Variants in SDCCAG8 observed in about 807,000 individuals in gnomAD.
SDCCAG8 encodes the protein SHH signaling and ciliogenesis regulator SDCCAG8.
SDCCAG8 carries 74 observed loss-of-function variants against 101.8 expected under a neutral mutation model. The observed-to-expected ratio is 0.73, with a 90% CI of 0.60 to 0.88. The LOEUF is 0.88. SDCCAG8 is among the 40% of genes least tolerant of loss of function. The pLI is 0.00. For synonymous variants in SDCCAG8, 281 were observed against 292.9 expected (o/e 0.96, Z 0.41); for missense variants, 787 against 822.6 (o/e 0.96, Z 0.53).
intron 4 of SDCCAG8, among the ~76,000 whole-genome samples, chr1:243,285,372 T>C (rs1220648274): frequency 6.6e-6 from 1 of 152,152 alleles, no homozygotes; most frequent in East Asian, 1.9e-4. Context: ...CTAAGAAGAG[T>C]TGTTGATTTT....
chr1:243,357,661 G>A (rs1032448375), intron 12 of SDCCAG8, among the ~76,000 whole-genome samples: 5 of 152,114 alleles, frequency 3.3e-5, no homozygotes, highest in African/African-American at 9.7e-5. Flanking sequence ...TACGCACAGG[G>A]GTGCAATGAA....
At chr1:243,310,156 C>G (rs1381933101) in intron 8 of SDCCAG8, among the ~76,000 whole-genome samples, 3 of 152,086 alleles carry the variant, frequency 2.0e-5, no homozygotes, top group Non-Finnish European at 4.4e-5. Context: ...GCCACCACGC[C>G]CGGCCCGACT....
intron 16 of SDCCAG8, among the ~76,000 whole-genome samples, chr1:243,475,254 AGT>A (rs1375660475): frequency 1.3e-5 from 2 of 152,214 alleles, no homozygotes; most frequent in Non-Finnish European, 2.9e-5. Context: ...GACATATAGC[AGT>A]GAATACTGTC....
At chr1:243,352,885 T>G (rs2076157915) in intron 12 of SDCCAG8, among the ~76,000 whole-genome samples, 1 of 152,232 alleles carries the variant, frequency 6.6e-6, no homozygotes, top group African/African-American at 2.4e-5. Flanking sequence ...TTGCTCCTTA[T>G]TCTTCATAGT....
chr1:243,366,450 T>A (rs748892305), intron 12 of SDCCAG8, among the ~76,000 whole-genome samples: 3 of 151,992 alleles, frequency 2.0e-5, no homozygotes, highest in Admixed American at 6.6e-5. Context: ...TTCAATGCAA[T>A]TACTCTATTG....
intron 16 of SDCCAG8, among the ~76,000 whole-genome samples, chr1:243,431,069 C>T (rs763774253): frequency 2.0e-5 from 3 of 151,970 alleles, no homozygotes; most frequent in Non-Finnish European, 4.4e-5. Flanking sequence ...TGGTGGCGAG[C>T]GCCTGTAATC....
intron 16 of SDCCAG8, among the ~76,000 whole-genome samples, chr1:243,487,487 A>G (rs1665212634): frequency 6.6e-6 from 1 of 152,156 alleles, no homozygotes; most frequent in South Asian, 2.1e-4. Flanking sequence ...ATCACCATAT[A>G]TATACATCAC....
intron 16 of SDCCAG8, among the ~76,000 whole-genome samples, chr1:243,453,048 G>T (rs960640831): frequency 6.6e-6 from 1 of 152,226 alleles, no homozygotes; most frequent in African/African-American, 2.4e-5. Context: ...CTCAAAAAGT[G>T]TAGTGTTCTG....
intron 10 of SDCCAG8, among the ~76,000 whole-genome samples, chr1:243,331,198 G>GA (rs1328034614): frequency 5.9e-5 from 9 of 152,230 alleles, no homozygotes; most frequent in African/African-American, 2.2e-4. Flanking sequence ...GTAACCAGAT[G>GA]AAGGGAGAGA....
chr1:243,464,466 A>G (rs760977965), intron 16 of SDCCAG8, among the ~76,000 whole-genome samples: 1 of 152,246 alleles, frequency 6.6e-6, no homozygotes, highest in Non-Finnish European at 1.5e-5. Context: ...TTAATATTTC[A>G]TCAGGCAAGT....
intron 16 of SDCCAG8, among the ~76,000 whole-genome samples, chr1:243,453,955 G>T (rs2148135546): frequency 6.6e-6 from 1 of 152,156 alleles, no homozygotes; most frequent in East Asian, 1.9e-4. Context: ...TCTTTCTATT[G>T]GCTTTACATA....
intron 16 of SDCCAG8, among the ~76,000 whole-genome samples, chr1:243,484,816 C>T (rs1422329356): frequency 3.3e-5 from 5 of 152,180 alleles, no homozygotes; most frequent in East Asian, 1.9e-4. Flanking sequence ...GAGGCCAAGG[C>T]GGGCAGATCA....
chr1:243,415,656 T>C, intron 13 of SDCCAG8, 46 bp from the exon 14 acceptor site: 1 of 1,613,244 alleles, frequency 6.2e-7, no homozygotes, highest in Non-Finnish European at 8.5e-7. Context: ...TGGGGGTTTG[T>C]GCATCTGCAG....
intron 13 of SDCCAG8, among the ~76,000 whole-genome samples, chr1:243,404,598 GTTT>G (rs1433804297): frequency 6.6e-6 from 1 of 152,150 alleles, no homozygotes. Context: ...GCTCACGTCA[GTTT>G]TTTTCTTCTG....
intron 13 of SDCCAG8, among the ~76,000 whole-genome samples, chr1:243,386,309 G>T (rs1206675604): frequency 6.6e-6 from 1 of 152,208 alleles, no homozygotes; most frequent in African/African-American, 2.4e-5. Flanking sequence ...CCATTAAGCT[G>T]TAATTCTATG....
intron 17 of SDCCAG8, among the ~76,000 whole-genome samples, chr1:243,495,734 C>T (rs533576178): frequency 7.3e-4 from 111 of 152,334 alleles, no homozygotes; most frequent in Admixed American, 6.9e-3. Flanking sequence ...GTTTCCCCGA[C>T]GTTCTGCCCA....
chr1:243,463,636 G>A (rs1488670077), intron 16 of SDCCAG8, among the ~76,000 whole-genome samples: 3 of 152,078 alleles, frequency 2.0e-5, no homozygotes, highest in South Asian at 4.2e-4. Context: ...TCTTGGGAGG[G>A]AAAAAATAAT....
At chr1:243,281,934 A>G (rs976566348) in intron 4 of SDCCAG8, among the ~76,000 whole-genome samples, 15 of 152,200 alleles carry the variant, frequency 9.9e-5, no homozygotes, top group Middle Eastern at 3.4e-3. Flanking sequence ...GGTGTGAGCC[A>G]CTGCACCTGT....
intron 13 of SDCCAG8, among the ~76,000 whole-genome samples, chr1:243,379,624 CAT>C (rs2077819543): frequency 6.6e-6 from 1 of 152,124 alleles, no homozygotes; most frequent in Admixed American, 6.6e-5. Context: ...TTCACTTTAT[CAT>C]ATGTGGTTTC....
Sources: gnomAD v4.1 joint callset for allele counts (sites outside exome capture counted in the v4.1 genomes callset) on GRCh38, gnomAD v4.1.1 for gene constraint, MANE v1.5 for transcripts, NCBI Gene and HGNC (gene_info 2026-07-23, HGNC 2026-07-21) for gene names.